Variants in DTWD2 observed in about 807,000 individuals in gnomAD.
The protein encoded by DTWD2 is DTW motif tRNA-uridine aminocarboxypropyltransferase 2.
Under a neutral mutation model 31.8 loss-of-function variants are expected in DTWD2, and 39 were observed. The observed-to-expected ratio is 1.22, with a 90% CI of 0.95 to 1.60. The LOEUF (loss-of-function observed/expected upper bound fraction) is 1.60. Ranked by LOEUF, DTWD2 falls within the 40% of genes most tolerant of loss-of-function variation. DTWD2 has a pLI of 0.00. For missense variants in DTWD2, 515 were observed against 381.5 expected (o/e 1.35, Z -2.92); for synonymous variants, 180 against 142.8 (o/e 1.26, Z -1.86).
chr5:118,862,310 G>A lies in DTWD2; in HGVS notation c.598-14092C>T, dbSNP rs139623709. Among the ~76,000 whole-genome samples the A allele has an allele frequency of 6.6e-5, 10 of 152,356 alleles. 1 individual carries two copies. In the East Asian group the frequency reaches 1.2e-3, roughly 18 times the overall value. On this transcript the variant is annotated intron_variant, in intron 4 of 5. Coordinates refer to ENST00000510708, the MANE Select transcript of DTWD2 (RefSeq NM_173666.4). Reference sequence around the variant, plus strand: ...GGGACTACTGGGCTAAGCAATAGTGGCATGTGCAAAGAACAGCTAGAAAGC... The same window carrying A: ...GGGACTACTGGGCTAAGCAATAGTGACATGTGCAAAGAACAGCTAGAAAGC...
intron 4 of DTWD2, among the ~76,000 whole-genome samples, chr5:118,883,507 C>A (rs1752788963): frequency 1.3e-5 from 2 of 152,154 alleles, no homozygotes; most frequent in Non-Finnish European, 2.9e-5. Flanking sequence ...GCTATAAAGA[C>A]ACTACCTGAG....
intron 1 of DTWD2, among the ~76,000 whole-genome samples, chr5:118,978,686 T>C (rs1755221236): frequency 6.6e-6 from 1 of 152,172 alleles, no homozygotes; most frequent in African/African-American, 2.4e-5. Context: ...TACCATCTCA[T>C]GCCAGTCAGA....
At chr5:118,973,338 T>G (rs1453680768) in intron 1 of DTWD2, among the ~76,000 whole-genome samples, 1 of 152,186 alleles carries the variant, frequency 6.6e-6, no homozygotes, top group African/African-American at 2.4e-5. Context: ...TGATGCAGTT[T>G]CTTCATAGCG....
intron 1 of DTWD2, among the ~76,000 whole-genome samples, chr5:118,985,612 G>T (rs1275619627): frequency 6.6e-6 from 1 of 150,392 alleles, no homozygotes; most frequent in Admixed American, 6.7e-5. Context: ...GCACTACTTG[G>T]TGAACATGCA....
chr5:118,891,023 A>C (rs983838605), intron 4 of DTWD2, among the ~76,000 whole-genome samples: 3 of 151,342 alleles, frequency 2.0e-5, no homozygotes, highest in Non-Finnish European at 4.5e-5. Flanking sequence ...TGTAAGGTGA[A>C]AAATACGTAC....
chr5:118,864,384 G>A (rs1340990934), intron 4 of DTWD2, among the ~76,000 whole-genome samples: 1 of 151,238 alleles, frequency 6.6e-6, no homozygotes, highest in African/African-American at 2.4e-5. Flanking sequence ...CTGTTGTGGG[G>A]TGGGGGGAAG....
intron 4 of DTWD2, among the ~76,000 whole-genome samples, chr5:118,884,472 A>T (rs1278408786): frequency 6.6e-6 from 1 of 152,218 alleles, no homozygotes; most frequent in Non-Finnish European, 1.5e-5. Context: ...GGTGAACTAA[A>T]TTATCGACAC....
intron 4 of DTWD2, among the ~76,000 whole-genome samples, chr5:118,900,752 C>T (rs993511140): frequency 2.6e-5 from 4 of 151,760 alleles, no homozygotes; most frequent in Non-Finnish European, 5.9e-5. Context: ...TGGTGAAACC[C>T]CGTCCTACTA....
In DTWD2 at chr5:118,927,554, G is replaced by GA. The variant is rs1430929672; in HGVS notation, c.597+982dup. On this transcript the variant is annotated intron_variant, in intron 4 of 5. Transcript: ENST00000510708. ...TCTGTGTGTGTATGATTAAAAACAA[G>GA]AAAAAAATGCATTCCTGAGTAATTA... Among the ~76,000 whole-genome samples the GA allele has an allele frequency of 2.6e-5, 4 of 151,668 alleles. No homozygotes were observed. The South Asian group carries it at 6.2e-4, about 24-fold the overall frequency.
chr5:118,953,565 C>T (rs1225562586), intron 1 of DTWD2, among the ~76,000 whole-genome samples: 2 of 152,160 alleles, frequency 1.3e-5, no homozygotes, highest in Non-Finnish European at 2.9e-5. Context: ...TGCATATGGA[C>T]TAGAGACCTA....
intron 4 of DTWD2, among the ~76,000 whole-genome samples, chr5:118,909,159 G>A (rs989885694): frequency 6.6e-6 from 1 of 152,212 alleles, no homozygotes; most frequent in Non-Finnish European, 1.5e-5. Flanking sequence ...CCGCATAGCT[G>A]AGTCACCTGG....
intron 5 of DTWD2, among the ~76,000 whole-genome samples, chr5:118,844,683 C>T (rs1186058160): frequency 1.3e-5 from 2 of 152,190 alleles, no homozygotes; most frequent in Non-Finnish European, 2.9e-5. Context: ...ACTTCAAAAT[C>T]CACATTGTGC....
chr5:118,856,978 T>C (rs1236146735), intron 4 of DTWD2, among the ~76,000 whole-genome samples: 2 of 151,882 alleles, frequency 1.3e-5, no homozygotes, highest in East Asian at 3.9e-4. Context: ...GGTTTCAACA[T>C]GTTGGCCAGG....
intron 2 of DTWD2, 31 bp downstream of exon 2, chr5:118,944,526 CTA>C: frequency 6.3e-7 from 1 of 1,592,180 alleles, no homozygotes; most frequent in Non-Finnish European, 8.6e-7. Context: ...GACTCATATT[CTA>C]TTTGAAATCC....
chr5:118,892,208 T>C (rs576915380), intron 4 of DTWD2, among the ~76,000 whole-genome samples: 47 of 152,130 alleles, frequency 3.1e-4, no homozygotes, highest in Non-Finnish European at 6.6e-4. Context: ...AATCTATATT[T>C]AGATTTTATC....
intron 4 of DTWD2, among the ~76,000 whole-genome samples, chr5:118,888,820 CAT>C (rs1752920872): frequency 1.3e-5 from 2 of 152,166 alleles, no homozygotes; most frequent in South Asian, 2.1e-4. Context: ...AATGGTATCT[CAT>C]GTGGTTTTAT....
At chr5:118,845,432 T>C (rs1029335510) in intron 5 of DTWD2, among the ~76,000 whole-genome samples, 1 of 152,230 alleles carries the variant, frequency 6.6e-6, no homozygotes, top group Non-Finnish European at 1.5e-5. Context: ...AAAGGCTGGA[T>C]GTGGGGTTCC....
intron 5 of DTWD2, among the ~76,000 whole-genome samples, chr5:118,845,603 C>A (rs1193522459): frequency 5.3e-5 from 8 of 152,082 alleles, no homozygotes; most frequent in African/African-American, 9.7e-5. Flanking sequence ...GTCAAATATC[C>A]TTTTTCTACT....
Position 118,837,493 on chromosome 5 carries a change from A to C in DTWD2, c.*3424T>G, listed in dbSNP as rs752530068. On this transcript the variant is annotated 3_prime_UTR_variant, in exon 6 of 6. Transcript: ENST00000510708. The stretch of plus-strand genomic sequence containing the variant: ...TTCTGAACCAATAACAACTACAGGC[A>C]AGGGTCAACAATTTAGCTCCCTGAA... 6 of 152,220 alleles carry C rather than the reference A, an allele frequency of 3.9e-5. No homozygotes were observed. Among genetic ancestry groups the C allele is most frequent in the Non-Finnish European group, 8.8e-5 (6 of 68,042 alleles). 9.4% of individuals were successfully genotyped at this position (152,220 alleles called of 1,614,324 possible). A position where few individuals can be genotyped will look rare whatever the true frequency, so the allele number is the denominator to read the frequency against.
Sources: gnomAD v4.1 joint callset for allele counts (sites outside exome capture counted in the v4.1 genomes callset) on GRCh38, gnomAD v4.1.1 for gene constraint, MANE v1.5 for transcripts, NCBI Gene and HGNC (gene_info 2026-07-23, HGNC 2026-07-21) for gene names.